Variants in DGKB observed in about 807,000 individuals in gnomAD.
DGKB encodes 90 kDa diacylglycerol kinase.
In DGKB, 67 loss-of-function variants were observed where a neutral mutation model predicts 114.3. The observed-to-expected ratio is 0.59, with a 90% CI of 0.48 to 0.72. The LOEUF (loss-of-function observed/expected upper bound fraction) is 0.72. Among genes scored for constraint, DGKB ranks in the 30% least tolerant of loss-of-function variants. The pLI is 0.00. For missense variants in DGKB, 907 were observed against 975.2 expected (o/e 0.93, Z 0.93); for synonymous variants, 398 against 323.1 (o/e 1.23, Z -2.49).
At chr7:14,782,279 G>C (rs1190834984) in intron 2 of DGKB, among the ~76,000 whole-genome samples, 1 of 152,118 alleles carries the variant, frequency 6.6e-6, no homozygotes, top group African/African-American at 2.4e-5. Context: ...GCTCTCCTCA[G>C]CCTCTCAAAG....
chr7:14,630,790 T>G (rs971326817), intron 13 of DGKB, among the ~76,000 whole-genome samples: 1 of 152,010 alleles, frequency 6.6e-6, no homozygotes, highest in Non-Finnish European at 1.5e-5. Context: ...TAGCAAGAAT[T>G]TTACTTGAGA....
intron 2 of DGKB, among the ~76,000 whole-genome samples, chr7:14,769,129 G>GAA (rs1836955936): frequency 7.4e-6 from 1 of 134,594 alleles, no homozygotes; most frequent in Admixed American, 7.8e-5. Context: ...AAGAAAGAGA[G>GAA]AGAGAGAAAG....
At chr7:14,608,121 C>A (rs1804861154) in intron 16 of DGKB, among the ~76,000 whole-genome samples, 1 of 151,966 alleles carries the variant, frequency 6.6e-6, no homozygotes, top group African/African-American at 2.4e-5. Context: ...AGAAAACAAT[C>A]TTTATAAATA....
chr7:14,932,497 T>A (rs1785073953), intron 1 of DGKB, among the ~76,000 whole-genome samples: 1 of 152,182 alleles, frequency 6.6e-6, no homozygotes. Context: ...ACATCATTAG[T>A]CAGATTATTG....
At chr7:14,423,671 A>C (rs932999589) in intron 21 of DGKB, among the ~76,000 whole-genome samples, 2 of 152,140 alleles carry the variant, frequency 1.3e-5, no homozygotes, top group African/African-American at 2.4e-5. Flanking sequence ...TTCAGAACAG[A>C]ACTTCTTTTA....
intron 25 of DGKB, among the ~76,000 whole-genome samples, chr7:14,166,519 A>T (rs1361687761): frequency 1.3e-5 from 2 of 152,206 alleles, no homozygotes; most frequent in African/African-American, 4.8e-5. Flanking sequence ...CCAGATCTCA[A>T]AATAGTCATA....
At chr7:14,829,925 C>A (rs149823855) in intron 2 of DGKB, among the ~76,000 whole-genome samples, 127 of 152,174 alleles carry the variant, frequency 8.3e-4, no homozygotes, top group African/African-American at 2.8e-3. Flanking sequence ...TGCCTCATGT[C>A]TTTGAAACCA....
At chr7:14,177,287 T>C (rs751406763) in intron 24 of DGKB, among the ~76,000 whole-genome samples, 4 of 151,962 alleles carry the variant, frequency 2.6e-5, no homozygotes, top group Non-Finnish European at 4.4e-5. Context: ...TCCAGATAAA[T>C]AACATCAATT....
rs62444593 is a variant in DGKB, at chr7:14,371,942, A to C, written c.1836-26551T>G. Among the ~76,000 whole-genome samples the C allele has an allele frequency of 5.8e-3, 878 of 152,316 alleles. 5 individuals carry two copies. The highest frequency in any genetic ancestry group is 0.017 in the Middle Eastern group (5 of 294). On this transcript the variant is annotated intron_variant, in intron 21 of 25. Coordinates refer to ENST00000402815, the MANE Select transcript of DGKB (RefSeq NM_001350709.2). ...TCTGGCATGAGACTAAAATGCCTCC[A>C]TGGCCATGCTGCTGGGTCTCCAAAG... is the stretch of plus-strand genomic sequence containing the variant.
At chr7:14,964,492 G>A (rs760325548) in intron 1 of DGKB, among the ~76,000 whole-genome samples, 7 of 152,088 alleles carry the variant, frequency 4.6e-5, no homozygotes, top group African/African-American at 7.2e-5. Context: ...AGAGCTAGAC[G>A]TTGTCTCAAA....
chr7:14,810,634 A>C (rs541658733), intron 2 of DGKB, among the ~76,000 whole-genome samples: 1 of 152,216 alleles, frequency 6.6e-6, no homozygotes, highest in African/African-American at 2.4e-5. Flanking sequence ...TCACACTGTC[A>C]TGCAGCCTGC....
intron 4 of DGKB, among the ~76,000 whole-genome samples, chr7:14,749,125 G>T (rs1306778380): frequency 6.6e-6 from 1 of 152,092 alleles, no homozygotes; most frequent in Non-Finnish European, 1.5e-5. Context: ...GATTAAATAT[G>T]CAGCATGGCT....
chr7:14,196,843 G>A (rs1415684884), intron 23 of DGKB, among the ~76,000 whole-genome samples: 1 of 151,896 alleles, frequency 6.6e-6, no homozygotes, highest in African/African-American at 2.4e-5. Flanking sequence ...GAAGGACTTA[G>A]ATAAGTACAA....
rs192092036 is a variant in DGKB at position 14,333,486 on chromosome 7, A to G, written c.2122+5029T>C. Among the ~76,000 whole-genome samples, 657 of 150,720 alleles carry G rather than the reference A, an allele frequency of 4.4e-3. 11 individuals are homozygous for G. Among genetic ancestry groups the G allele is most frequent in the East Asian group, 0.028 (145 of 5,124 alleles). On this transcript the variant is annotated intron_variant, in intron 23 of 25. Coordinates refer to ENST00000402815, the MANE Select transcript of DGKB (RefSeq NM_001350709.2). The stretch of plus-strand genomic sequence containing the variant: ...AAAAAAAAAAAAAAAAAAAAAATCA[A>G]TCTGTGAGAATAATGGATCTATTTT...
chr7:14,228,719 ATTAAC>A (rs1791223522), intron 23 of DGKB, among the ~76,000 whole-genome samples: 1 of 152,012 alleles, frequency 6.6e-6, no homozygotes, highest in African/African-American at 2.4e-5. Context: ...CATGAGAGAA[ATTAAC>A]ACTAAGATTT....
At chr7:14,608,700 G>A (rs142474244) in intron 16 of DGKB, among the ~76,000 whole-genome samples, 12 of 151,882 alleles carry the variant, frequency 7.9e-5, no homozygotes, top group African/African-American at 2.4e-4. Context: ...CCACCAAAAG[G>A]CTGTTAGAAC....
chr7:14,561,953 C>G (rs1320300165), intron 20 of DGKB, among the ~76,000 whole-genome samples: 1 of 152,120 alleles, frequency 6.6e-6, no homozygotes, highest in Admixed American at 6.6e-5. Flanking sequence ...ATTGTGGCAG[C>G]CCCCCTCATC....
intron 21 of DGKB, among the ~76,000 whole-genome samples, chr7:14,468,819 C>A: frequency 6.6e-6 from 1 of 151,888 alleles, no homozygotes; most frequent in East Asian, 1.9e-4. Context: ...CTTTACAAAT[C>A]TTGTTTCTTT....
intron 2 of DGKB, among the ~76,000 whole-genome samples, chr7:14,811,646 A>G (rs1843447908): frequency 6.6e-6 from 1 of 152,202 alleles, no homozygotes; most frequent in Non-Finnish European, 1.5e-5. Context: ...GTGATAATTC[A>G]AATTACTTAT....
Sources: gnomAD v4.1 joint callset for allele counts (sites outside exome capture counted in the v4.1 genomes callset) on GRCh38, gnomAD v4.1.1 for gene constraint, MANE v1.5 for transcripts, NCBI Gene and HGNC (gene_info 2026-07-23, HGNC 2026-07-21) for gene names.